Variants in NBEA observed in about 807,000 individuals in gnomAD.
The protein encoded by NBEA is lysosomal-trafficking regulator 2.
In NBEA, 44 loss-of-function variants were observed where a neutral mutation model predicts 343.4. That is an observed-to-expected ratio of 0.13 (90% CI 0.10 to 0.16). NBEA has a LOEUF of 0.16. Ranked by LOEUF, NBEA falls within the 10% of genes least tolerant of loss-of-function variation. The pLI is 1.00. For synonymous variants in NBEA, 1,175 were observed against 1,238.7 expected (o/e 0.95, Z 1.08); for missense variants, 2,555 against 3,631.3 (o/e 0.70, Z 7.62).
At chr13:34,972,703 C>T (rs1429701931) in intron 1 of NBEA, among the ~76,000 whole-genome samples, 1 of 152,062 alleles carries the variant, frequency 6.6e-6, no homozygotes, top group Admixed American at 6.6e-5. Context: ...GTTATGATTT[C>T]AATTCTTTTG....
chr13:35,392,305 G>A (rs2042541858), intron 38 of NBEA, among the ~76,000 whole-genome samples: 1 of 151,922 alleles, frequency 6.6e-6, no homozygotes, highest in Non-Finnish European at 1.5e-5. Flanking sequence ...AGGAATTGTG[G>A]CATTTATTCA....
chr13:35,080,581 G>A (rs1324080177), intron 10 of NBEA, among the ~76,000 whole-genome samples: 4 of 152,074 alleles, frequency 2.6e-5, no homozygotes, highest in Admixed American at 2.6e-4. Context: ...GGAGAGGAGG[G>A]CATATAACCT....
chr13:35,624,301 A>G (rs776166621), intron 48 of NBEA, among the ~76,000 whole-genome samples: 62 of 152,160 alleles, frequency 4.1e-4, no homozygotes, highest in Admixed American at 6.5e-4. Context: ...AGTATAAAAT[A>G]TAGTTTCAAA....
chr13:35,437,420 G>T (rs925097442), intron 39 of NBEA, among the ~76,000 whole-genome samples: 3 of 152,030 alleles, frequency 2.0e-5, no homozygotes, highest in Non-Finnish European at 4.4e-5. Context: ...ACCTTTTTCA[G>T]TTGGAAAATA....
chr13:34,968,408 T>G lies in NBEA; in HGVS notation c.294+25294T>G, dbSNP rs368770152. 3.3e-5 allele frequency among the ~76,000 whole-genome samples: 5 copies of G among 152,236 alleles called. No homozygotes were observed. In the East Asian group the frequency reaches 9.6e-4, roughly 29 times the overall value. On this transcript the variant is annotated intron_variant, in intron 1 of 58. Coordinates refer to ENST00000379939, the MANE Select transcript of NBEA (RefSeq NM_001385012.1). ...CTAAGGGCCCCAACATGAGTTAGCT[T>G]GTTAGCATGAGCTCAGCTATGGTCA...
intron 34 of NBEA, among the ~76,000 whole-genome samples, chr13:35,262,862 T>A (rs139743433): frequency 8.5e-5 from 13 of 152,324 alleles, no homozygotes; most frequent in African/African-American, 2.6e-4. Flanking sequence ...AGCTATTCCA[T>A]GTTCATGGGT....
intron 28 of NBEA, among the ~76,000 whole-genome samples, chr13:35,178,111 G>A (rs1270359846): frequency 6.6e-6 from 1 of 151,678 alleles, no homozygotes; most frequent in Non-Finnish European, 1.5e-5. Context: ...TAACACAGGA[G>A]TGAGAGATTT....
chr13:35,270,048 C>T (rs942192223), intron 34 of NBEA, among the ~76,000 whole-genome samples: 1 of 152,086 alleles, frequency 6.6e-6, no homozygotes. Flanking sequence ...CCAAAGGATA[C>T]CTCTTTTTGA....
intron 1 of NBEA, among the ~76,000 whole-genome samples, chr13:35,006,818 T>A (rs1275916053): frequency 1.3e-5 from 2 of 152,158 alleles, no homozygotes; most frequent in Non-Finnish European, 1.5e-5. Flanking sequence ...AGTGGCACGA[T>A]CTTGGCTTAC....
intron 24 of NBEA, among the ~76,000 whole-genome samples, chr13:35,165,612 T>C (rs2069948954): frequency 6.6e-6 from 1 of 152,102 alleles, no homozygotes; most frequent in African/African-American, 2.4e-5. Flanking sequence ...TTCTGGTAAA[T>C]TGAGAGTTGT....
intron 57 of NBEA, 77 bp from the exon 58 acceptor site, chr13:35,668,291 A>G: frequency 6.8e-7 from 1 of 1,469,220 alleles, no homozygotes; most frequent in Non-Finnish European, 9.2e-7. Context: ...CTATTTAGGA[A>G]AAATTGAGAG....
intron 10 of NBEA, among the ~76,000 whole-genome samples, chr13:35,076,656 A>C (rs971804919): frequency 2.0e-5 from 3 of 151,962 alleles, no homozygotes; most frequent in African/African-American, 7.2e-5. Flanking sequence ...GAAAAAAGGC[A>C]CCTTTTTGGC....
At chr13:35,012,434 G>A (rs1317725291) in intron 1 of NBEA, among the ~76,000 whole-genome samples, 1 of 152,204 alleles carries the variant, frequency 6.6e-6, no homozygotes, top group Non-Finnish European at 1.5e-5. Flanking sequence ...TGGGGATTAA[G>A]TTTCCAGTAT....
intron 35 of NBEA, among the ~76,000 whole-genome samples, chr13:35,295,143 TATAA>T (rs571255072): frequency 5.3e-4 from 79 of 148,188 alleles, no homozygotes; most frequent in African/African-American, 1.9e-3. Context: ...ATATTTATAA[TATAA>T]ATAAATATAA....
At chr13:35,469,576 G>T (rs534848224) in intron 40 of NBEA, among the ~76,000 whole-genome samples, 1 of 152,284 alleles carries the variant, frequency 6.6e-6, no homozygotes, top group South Asian at 2.1e-4. Context: ...CAATGCAATA[G>T]GAAGAGGTTT....
At chr13:35,600,930 A>T (rs1344868438) in intron 47 of NBEA, among the ~76,000 whole-genome samples, 5 of 152,122 alleles carry the variant, frequency 3.3e-5, no homozygotes, top group African/African-American at 1.2e-4. Flanking sequence ...TAATCACAGC[A>T]CTTGGAAAGG....
intron 18 of NBEA, among the ~76,000 whole-genome samples, chr13:35,145,632 A>G (rs118077483): frequency 0.046 from 6,960 of 152,302 alleles, 243 homozygotes; most frequent in Non-Finnish European, 0.068. Flanking sequence ...ACTGCCAGGA[A>G]ATACTATTTT....
intron 34 of NBEA, among the ~76,000 whole-genome samples, chr13:35,233,972 A>G (rs1242476319): frequency 6.6e-6 from 1 of 152,182 alleles, no homozygotes; most frequent in Non-Finnish European, 1.5e-5. Flanking sequence ...AAACTTACTT[A>G]ATAAGTGCCA....
chr13:35,602,342 C>T (rs1219645338), intron 47 of NBEA, among the ~76,000 whole-genome samples: 2 of 151,942 alleles, frequency 1.3e-5, no homozygotes, highest in Non-Finnish European at 2.9e-5. Context: ...AAAACTGAGA[C>T]CAAAAAAAAA....
Sources: allele counts gnomAD v4.1 joint callset (sites outside exome capture counted in the v4.1 genomes callset), GRCh38; gene constraint gnomAD v4.1.1; transcripts MANE v1.5; gene names NCBI Gene and HGNC (gene_info 2026-07-23, HGNC 2026-07-21).